CTTNBP2: variants seen among roughly 807,000 people sequenced by gnomAD.
CTTNBP2 encodes cortactin binding protein 2, also known as cortactin-binding protein 2.
A neutral mutation model predicts 156.9 loss-of-function variants in CTTNBP2; 108 were observed. The observed-to-expected ratio is 0.69, with a 90% CI of 0.59 to 0.81. CTTNBP2 has a LOEUF of 0.81. Ranked by LOEUF, CTTNBP2 falls within the 30% of genes least tolerant of loss-of-function variation. The pLI is 0.00. For missense variants in CTTNBP2, 1,924 were observed against 2,035.4 expected (o/e 0.95, Z 1.05); for synonymous variants, 767 against 751.8 (o/e 1.02, Z -0.33).
Position 117,792,003 on chromosome 7 carries a change from G to A in CTTNBP2, c.1193C>T (p.Thr398Ile), listed in dbSNP as rs988771474. 1 of 1,613,992 alleles carries A rather than the reference G, an allele frequency of 6.2e-7. No individual in the cohort carries two copies. The highest frequency in any genetic ancestry group is 8.5e-7 in the Non-Finnish European group (1 of 1,180,046). Residue 398 changes from threonine (T) to isoleucine (I), a missense_variant, in exon 4 of 23, where the codon ACA (threonine) becomes ATA (isoleucine). Physicochemically the swap from Thr to Ile is moderately conservative, Grantham distance 89. Transcript: ENST00000160373. The surrounding 1 kb of genome is among the most constrained non-coding windows in gnomAD (Gnocchi z 4.2). The stretch of plus-strand genomic sequence containing the variant: ...GGCAGCGTTACTGGGAAGTGGGGGT[G>A]TGCTACTGGTTGGATCTGGTGTTGA... ...TGSTPDPTSS[T>I]PPLPSNAAPP...
At chr7:117,757,305 A>T (rs561595605) in intron 11 of CTTNBP2, among the ~76,000 whole-genome samples, 2 of 152,312 alleles carry the variant, frequency 1.3e-5, no homozygotes, top group South Asian at 4.1e-4. Context: ...TATACCACTT[A>T]GTGGCAGCAT....
At chr7:117,836,392 A>G (rs766212901) in intron 2 of CTTNBP2, among the ~76,000 whole-genome samples, 26 of 152,212 alleles carry the variant, frequency 1.7e-4, no homozygotes, top group Non-Finnish European at 2.1e-4. Flanking sequence ...ACGAAACCCT[A>G]TCTCTACTAA....
At chr7:117,849,450 A>T (rs1193914607) in intron 2 of CTTNBP2, among the ~76,000 whole-genome samples, 14 of 152,308 alleles carry the variant, frequency 9.2e-5, no homozygotes, top group Middle Eastern at 3.4e-3. Flanking sequence ...CACTTGGAGA[A>T]CAAAAGCCTC....
rs534269940 is a variant in CTTNBP2, at chr7:117,820,783, A to G, written c.190-9794T>C. On this transcript the variant is annotated intron_variant, in intron 2 of 22. Coordinates refer to ENST00000160373, the MANE Select transcript of CTTNBP2 (RefSeq NM_033427.3). ...CTGAAATCAGGCAGGTTAAGTCCTT[A>G]AAATTCTTTTTTTAAATTGCTTTTG... 3.3e-5 allele frequency among the ~76,000 whole-genome samples: 5 copies of G among 152,308 alleles called. No individual in the cohort carries two copies. In the South Asian group the frequency reaches 1.0e-3, roughly 32 times the overall value.
chr7:117,755,513 C>T, intron 12 of CTTNBP2: 1 of 469,686 alleles, frequency 2.1e-6, no homozygotes, highest in Non-Finnish European at 4.4e-6. Context: ...ACAATCCTGG[C>T]TTCATCACTT....
Position 117,841,749 on chromosome 7 carries a change from G to A in CTTNBP2, c.189+19460C>T, listed in dbSNP as rs35769815. On this transcript the variant is annotated intron_variant, in intron 2 of 22. Coordinates refer to ENST00000160373, the MANE Select transcript of CTTNBP2 (RefSeq NM_033427.3). ...ATGAATGCATGATTATACAGGCAGA[G>A]ACCACTACTAACTGGTGTCATCAGA... is the stretch of plus-strand genomic sequence containing the variant. Among the ~76,000 whole-genome samples, 538 of 152,328 alleles carry A rather than the reference G, an allele frequency of 3.5e-3. 6 individuals carry two copies. Among genetic ancestry groups the A allele is most frequent in the African/African-American group, 0.012 (513 of 41,570 alleles).
intron 14 of CTTNBP2, among the ~76,000 whole-genome samples, chr7:117,739,074 C>T (rs34456221): frequency 0.1 from 15,456 of 152,212 alleles, 1,190 homozygotes; most frequent in African/African-American, 0.21. Context: ...TGTCTTCATT[C>T]GCTTGCCTCA....
At chr7:117,741,994 T>C (rs952253048) in intron 14 of CTTNBP2, among the ~76,000 whole-genome samples, 2 of 152,190 alleles carry the variant, frequency 1.3e-5, no homozygotes, top group African/African-American at 4.8e-5. Flanking sequence ...TCATATAACA[T>C]GTGTGTGGGA....
rs1298639361 is a variant in CTTNBP2 at position 117,817,361 on chromosome 7, A to ATATATAT, written c.190-6373_190-6372insATATATA. Among the ~76,000 whole-genome samples, 261 of 53,284 alleles carry ATATATAT rather than the reference A, an allele frequency of 4.9e-3. 29 individuals are homozygous for ATATATAT. Among genetic ancestry groups the ATATATAT allele is most frequent in the East Asian group, 0.017 (28 of 1,640 alleles). The allele number at this position is 53,284 out of a possible 152,430, so 35.0% of individuals were successfully genotyped here. ...AAAAAAAAAAAAAAAAAAAAAAAAAAATATATATATATATATATATATATA... is the reference window on the plus strand; with the variant it reads ...AAAAAAAAAAAAAAAAAAAAAAAAAATATATATATATATATATATATATATATATATA... On this transcript the variant is annotated intron_variant, in intron 2 of 22. Coordinates refer to ENST00000160373, the MANE Select transcript of CTTNBP2 (RefSeq NM_033427.3).
At chr7:117,819,044 C>A (rs1223356297) in intron 2 of CTTNBP2, among the ~76,000 whole-genome samples, 3 of 152,102 alleles carry the variant, frequency 2.0e-5, no homozygotes, top group Non-Finnish European at 2.9e-5. Flanking sequence ...CCCTCTCAAA[C>A]CCTGAAATTC....
chr7:117,840,764 T>C (rs1763379183), intron 2 of CTTNBP2, among the ~76,000 whole-genome samples: 1 of 152,126 alleles, frequency 6.6e-6, no homozygotes, highest in Non-Finnish European at 1.5e-5. Context: ...AAAATCTGAA[T>C]GGTGAGGGCA....
rs565300991 is a variant in CTTNBP2 at position 117,813,580 on chromosome 7, G to A, written c.190-2591C>T. 2.6e-5 allele frequency among the ~76,000 whole-genome samples: 4 copies of A among 152,160 alleles called. No homozygotes were observed. In the East Asian group the frequency reaches 7.7e-4, roughly 29 times the overall value. On this transcript the variant is annotated intron_variant, in intron 2 of 22. Transcript: ENST00000160373. ...GACCATGGCCCAACATGGTCTACAG[G>A]AAACACTCATGGATCTTTATCTAAA...
At chr7:117,864,192 G>A (rs1803957616) in intron 1 of CTTNBP2, among the ~76,000 whole-genome samples, 2 of 151,962 alleles carry the variant, frequency 1.3e-5, no homozygotes, top group South Asian at 4.2e-4. Context: ...CAATAAAGAG[G>A]GAAATTCATT....
rs534887667 is a variant in CTTNBP2, at chr7:117,859,949, G to A, written c.189+1260C>T. Among the ~76,000 whole-genome samples, 4 of 152,202 alleles carry A rather than the reference G, an allele frequency of 2.6e-5. No individual in the cohort carries two copies. In the East Asian group the frequency reaches 7.7e-4, roughly 29 times the overall value. The stretch of plus-strand genomic sequence containing the variant: ...AACTATCTCTTCTTCCCACACAACT[G>A]AGTTCTCCCCATGTCCACCCTCTCC... On this transcript the variant is annotated intron_variant, in intron 2 of 22. Coordinates refer to ENST00000160373, the MANE Select transcript of CTTNBP2 (RefSeq NM_033427.3).
intron 20 of CTTNBP2, among the ~76,000 whole-genome samples, chr7:117,720,360 T>C (rs543831274): frequency 2.0e-5 from 3 of 152,172 alleles, no homozygotes; most frequent in Non-Finnish European, 1.5e-5. Context: ...TTGATATTTG[T>C]AAGCTGAAAT....
At chr7:117,872,993 C>A (rs1804729753) in intron 1 of CTTNBP2, among the ~76,000 whole-genome samples, 1 of 152,180 alleles carries the variant, frequency 6.6e-6, no homozygotes, top group Admixed American at 6.5e-5. Flanking sequence ...AAACACGTCC[C>A]AGCCTTCTCC....
intron 4 of CTTNBP2, 108 bp from the exon 5 acceptor site, chr7:117,784,562 T>TA: frequency 1.4e-6 from 1 of 706,796 alleles, no homozygotes; most frequent in East Asian, 2.7e-5. Flanking sequence ...CATGTGTCCC[T>TA]AGAGGATTAT....
intron 4 of CTTNBP2, 53 bp downstream of exon 4, chr7:117,791,075 T>G (rs1798971232): frequency 4.9e-6 from 7 of 1,438,618 alleles, no homozygotes; most frequent in Non-Finnish European, 6.6e-6. Context: ...TCAAGGCAAG[T>G]GAGAAGAGAG....
chr7:117,845,485 T>A (rs1563062385), intron 2 of CTTNBP2, among the ~76,000 whole-genome samples: 3 of 152,190 alleles, frequency 2.0e-5, no homozygotes, highest in Non-Finnish European at 4.4e-5. Flanking sequence ...AGATATTCAA[T>A]GAAGAGCATT....
Sources: gnomAD v4.1 joint callset for allele counts (sites outside exome capture counted in the v4.1 genomes callset) on GRCh38, gnomAD v4.1.1 for gene constraint, Gnocchi (gnomAD v3.1) non-coding constraint, MANE v1.5 for transcripts, NCBI Gene and HGNC (gene_info 2026-07-23, HGNC 2026-07-21) for gene names.